CACNB2: variants seen among roughly 807,000 people sequenced by gnomAD.
CACNB2 encodes the protein calcium voltage-gated channel auxiliary subunit beta 2, also known as voltage-dependent L-type calcium channel subunit beta-2.
A neutral mutation model predicts 73.3 loss-of-function variants in CACNB2; 42 were observed. That is an observed-to-expected ratio of 0.57 (90% CI 0.45 to 0.74). The LOEUF (loss-of-function observed/expected upper bound fraction) is 0.74, where lower values mean the gene tolerates loss of function less well. CACNB2 is among the 30% of genes least tolerant of loss of function. The pLI is 0.00. For missense variants in CACNB2, 940 were observed against 853.0 expected (o/e 1.10, Z -1.27); for synonymous variants, 348 against 310.3 (o/e 1.12, Z -1.28).
intron 2 of CACNB2, among the ~76,000 whole-genome samples, chr10:18,366,932 AAACTAG>A (rs1419210141): frequency 1.3e-5 from 2 of 152,298 alleles, no homozygotes; most frequent in African/African-American, 4.8e-5. Context: ...CAAGCGTGGG[AAACTAG>A]TATCACTATA....
chr10:18,391,493 C>G (rs943875587), intron 2 of CACNB2, among the ~76,000 whole-genome samples: 3 of 152,090 alleles, frequency 2.0e-5, no homozygotes, highest in Non-Finnish European at 4.4e-5. Flanking sequence ...GCATGCATTC[C>G]ATGCCTGGCA....
chr10:18,365,844 A>C (rs1370178525), intron 2 of CACNB2, among the ~76,000 whole-genome samples: 1 of 152,226 alleles, frequency 6.6e-6, no homozygotes, highest in Non-Finnish European at 1.5e-5. Flanking sequence ...CACAATGTGA[A>C]GGAAACTCAG....
chr10:18,150,673 A>G (rs540421972), intron 1 of CACNB2, among the ~76,000 whole-genome samples: 6 of 152,220 alleles, frequency 3.9e-5, no homozygotes, highest in African/African-American at 1.4e-4. Context: ...CAAAAAAGAA[A>G]AGAAAAGAAA....
At chr10:18,219,477 C>A (rs2026323) in intron 2 of CACNB2, among the ~76,000 whole-genome samples, 32,109 of 152,068 alleles carry the variant, frequency 0.21, 4,992 homozygotes, top group African/African-American at 0.44. Flanking sequence ...CTAGAGAATT[C>A]TTTTCCTAAT....
At chr10:18,448,623 A>G (rs1251891015) in intron 3 of CACNB2, among the ~76,000 whole-genome samples, 1 of 152,174 alleles carries the variant, frequency 6.6e-6, no homozygotes, top group Non-Finnish European at 1.5e-5. Flanking sequence ...AACTGGGTAC[A>G]GCCTAAGAAC....
chr10:18,297,205 C>T (rs1159171157), intron 2 of CACNB2, among the ~76,000 whole-genome samples: 3 of 152,094 alleles, frequency 2.0e-5, no homozygotes, highest in Non-Finnish European at 2.9e-5. Flanking sequence ...AATATGTTTC[C>T]TTTAATCCAG....
rs527911863 is a variant in CACNB2 at position 18,506,427 on chromosome 10, C to T, written c.594-44C>T. 2.9e-5 allele frequency: 29 copies of T among 997,168 alleles called. No individual in the cohort carries two copies. In the East Asian group the frequency reaches 4.3e-4, roughly 15 times the overall value. The allele number at this position is 997,168 out of a possible 1,614,324, so 61.8% of individuals were successfully genotyped here. On this transcript the variant is annotated intron_variant, in intron 5 of 13. Transcript: ENST00000324631. ...TGAATAATATAAATGTTTGAGGATG[C>T]GAAATAAGTGTCAGATTTAATAGAA...
intron 2 of CACNB2, among the ~76,000 whole-genome samples, chr10:18,173,555 A>G (rs146599452): frequency 1.3e-5 from 2 of 152,326 alleles, no homozygotes; most frequent in East Asian, 3.9e-4. Context: ...CTGAGGCTGT[A>G]AGAACTTTGA....
chr10:18,215,843 G>T (rs1054124021), intron 2 of CACNB2, among the ~76,000 whole-genome samples: 3 of 152,094 alleles, frequency 2.0e-5, no homozygotes, highest in Non-Finnish European at 2.9e-5. Context: ...CCTGTGGTCT[G>T]GTTTTTCAGT....
intron 10 of CACNB2, among the ~76,000 whole-genome samples, chr10:18,529,739 A>G (rs2052810489): frequency 6.6e-6 from 1 of 152,204 alleles, no homozygotes; most frequent in Admixed American, 6.5e-5. Context: ...GTTGGAGCTT[A>G]TTTCTATTAG....
chr10:18,438,222 G>A (rs1331081800), intron 3 of CACNB2, among the ~76,000 whole-genome samples: 8 of 142,270 alleles, frequency 5.6e-5, no homozygotes, highest in Non-Finnish European at 1.2e-4. Flanking sequence ...GTAGAGACGG[G>A]GTTTCACCGC....
At chr10:18,329,605 G>C (rs1399542981) in intron 2 of CACNB2, among the ~76,000 whole-genome samples, 2 of 151,218 alleles carry the variant, frequency 1.3e-5, no homozygotes, top group Non-Finnish European at 2.9e-5. Flanking sequence ...TTTGCGATTT[G>C]CACTAAGTGT....
intron 2 of CACNB2, among the ~76,000 whole-genome samples, chr10:18,380,455 T>TTC (rs1554805590): frequency 2.5e-3 from 363 of 143,270 alleles, no homozygotes; most frequent in African/African-American, 9.2e-3. Context: ...TGTTTTTCTT[T>TTC]TTTTTTTTTT....
chr10:18,448,266 C>G (rs1278742739), intron 3 of CACNB2, among the ~76,000 whole-genome samples: 2 of 151,904 alleles, frequency 1.3e-5, no homozygotes. Flanking sequence ...GGCAGATCAC[C>G]TGAGACCAGC....
chr10:18,161,629 C>CTT (rs113773281), intron 2 of CACNB2, among the ~76,000 whole-genome samples: 2 of 145,828 alleles, frequency 1.4e-5, no homozygotes, highest in Non-Finnish European at 3.0e-5. Flanking sequence ...TGGCAAATCT[C>CTT]TTTTTTTTTT....
intron 3 of CACNB2, among the ~76,000 whole-genome samples, chr10:18,477,067 G>T (rs1156310129): frequency 6.6e-6 from 1 of 152,062 alleles, no homozygotes; most frequent in Non-Finnish European, 1.5e-5. Flanking sequence ...AAAAAGGAGG[G>T]GGAGGGTATT....
intron 2 of CACNB2, among the ~76,000 whole-genome samples, chr10:18,198,686 G>A (rs551031098): frequency 2.6e-5 from 4 of 152,212 alleles, no homozygotes; most frequent in Admixed American, 2.0e-4. Context: ...TGGCCAAATT[G>A]GTTTTCTACT....
At chr10:18,480,977 T>G (rs1417963789) in intron 3 of CACNB2, among the ~76,000 whole-genome samples, 2 of 151,620 alleles carry the variant, frequency 1.3e-5, no homozygotes, top group Non-Finnish European at 2.9e-5. Flanking sequence ...CCCTCTTACG[T>G]ACCCCTTGAG....
chr10:18,467,331 A>T (rs1165044251), intron 3 of CACNB2, among the ~76,000 whole-genome samples: 1 of 152,204 alleles, frequency 6.6e-6, no homozygotes, highest in Non-Finnish European at 1.5e-5. Context: ...CAAATTCAGT[A>T]TTGGCAATTT....
Sources: allele counts gnomAD v4.1 joint callset (sites outside exome capture counted in the v4.1 genomes callset), GRCh38; gene constraint gnomAD v4.1.1; transcripts MANE v1.5; gene names NCBI Gene and HGNC (gene_info 2026-07-23, HGNC 2026-07-21).